Variants in LRBA observed in about 807,000 individuals in gnomAD.
LRBA encodes LPS responsive beige-like anchor protein, also known as lipopolysaccharide-responsive and beige-like anchor protein.
In LRBA, 176 loss-of-function variants were observed where a neutral mutation model predicts 330.0. The ratio of observed to expected loss-of-function variants is 0.53; its 90% CI spans 0.47 to 0.60. LRBA has a LOEUF of 0.60. Ranked by LOEUF, LRBA falls within the 20% of genes least tolerant of loss-of-function variation. The pLI is 0.00. For missense variants in LRBA, 3,259 were observed against 3,444.8 expected (o/e 0.95, Z 1.35); for synonymous variants, 1,230 against 1,193.0 (o/e 1.03, Z -0.64).
At chr4:150,433,894 A>C (rs964724709) in intron 46 of LRBA, among the ~76,000 whole-genome samples, 6 of 152,152 alleles carry the variant, frequency 3.9e-5, no homozygotes, top group Non-Finnish European at 8.8e-5. Context: ...ACCCTGATAG[A>C]TGTCCCAATA....
intron 34 of LRBA, among the ~76,000 whole-genome samples, chr4:150,790,823 G>C (rs2126640551): frequency 6.6e-6 from 1 of 151,938 alleles, no homozygotes; most frequent in Middle Eastern, 3.4e-3. Context: ...TACTTTCTCG[G>C]GCTTTGTATA....
chr4:150,434,193 G>A (rs1016100993), intron 46 of LRBA, among the ~76,000 whole-genome samples: 1 of 151,740 alleles, frequency 6.6e-6, no homozygotes, highest in African/African-American at 2.4e-5. Flanking sequence ...GGAACTATAA[G>A]GAACTTCAAA....
At chr4:150,934,730 C>T (rs962644726) in intron 2 of LRBA, among the ~76,000 whole-genome samples, 2 of 151,736 alleles carry the variant, frequency 1.3e-5, no homozygotes, top group Non-Finnish European at 2.9e-5. Flanking sequence ...AAAATTAGGC[C>T]GGGCACAGTG....
At chr4:150,358,789 T>TA (rs773147582) in intron 47 of LRBA, among the ~76,000 whole-genome samples, 64 of 152,092 alleles carry the variant, frequency 4.2e-4, no homozygotes, top group Non-Finnish European at 6.5e-4. Context: ...GAAAACAAAA[T>TA]AAAAAAAATT....
intron 47 of LRBA, among the ~76,000 whole-genome samples, chr4:150,400,692 C>CA (rs1231499766): frequency 6.6e-6 from 1 of 151,946 alleles, no homozygotes; most frequent in Non-Finnish European, 1.5e-5. Context: ...CCCATCTTCA[C>CA]AAAAAATAAA....
At chr4:150,481,393 T>C (rs1023398566) in intron 42 of LRBA, among the ~76,000 whole-genome samples, 4 of 152,124 alleles carry the variant, frequency 2.6e-5, no homozygotes, top group Admixed American at 2.0e-4. Context: ...GCACTATTTG[T>C]GGTTTCTTGA....
At chr4:151,007,640 G>A (rs570609204) in intron 2 of LRBA, among the ~76,000 whole-genome samples, 13 of 151,442 alleles carry the variant, frequency 8.6e-5, no homozygotes, top group African/African-American at 2.2e-4. Context: ...GGCGGATCAC[G>A]AGGTCAGGAG....
chr4:150,618,586 T>C (rs1411721184), intron 37 of LRBA, among the ~76,000 whole-genome samples: 3 of 152,006 alleles, frequency 2.0e-5, no homozygotes, highest in Non-Finnish European at 4.4e-5. Flanking sequence ...GCCCTAAGTT[T>C]AGAAATAATT....
intron 35 of LRBA, among the ~76,000 whole-genome samples, chr4:150,758,213 G>A (rs940642637): frequency 8.5e-5 from 13 of 152,170 alleles, no homozygotes; most frequent in Non-Finnish European, 1.5e-4. Flanking sequence ...CAGTAGGCCC[G>A]TTGGTCTTTG....
chr4:150,493,241 C>G (rs778652909), intron 40 of LRBA, among the ~76,000 whole-genome samples: 7 of 152,176 alleles, frequency 4.6e-5, no homozygotes, highest in Admixed American at 2.0e-4. Context: ...GCCTCAGCCT[C>G]CCAAAGTGCT....
At chr4:150,848,021 C>T (rs540600334) in intron 26 of LRBA, among the ~76,000 whole-genome samples, 25 of 146,074 alleles carry the variant, frequency 1.7e-4, no homozygotes, top group African/African-American at 6.2e-4. Flanking sequence ...CTCTATAACC[C>T]TTTTTTTTTT....
At chr4:150,555,999 T>C (rs1206728226) in intron 40 of LRBA, among the ~76,000 whole-genome samples, 2 of 151,944 alleles carry the variant, frequency 1.3e-5, no homozygotes, top group Non-Finnish European at 2.9e-5. Context: ...GATGAGATAC[T>C]GTTATGTTGT....
intron 40 of LRBA, among the ~76,000 whole-genome samples, chr4:150,556,615 T>G (rs1464854117): frequency 6.6e-6 from 1 of 152,232 alleles, no homozygotes; most frequent in Admixed American, 6.5e-5. Context: ...GCTTCTGCAT[T>G]AAATGTGAAC....
At position 150,368,557 on chromosome 4, in the gene LRBA, A is replaced by C. The variant is rs1739826315; in HGVS notation, c.7195-18398T>G. ...TAAAATTTACTTTTCATTATGTAAC[A>C]ATCTAAGGAATACTGTATCTTCACT... On this transcript the variant is annotated intron_variant, in intron 47 of 56. Coordinates refer to ENST00000651943, the MANE Select transcript of LRBA (RefSeq NM_001364905.1). Among the ~76,000 whole-genome samples, 7 of 152,312 alleles carry C rather than the reference A, an allele frequency of 4.6e-5. No homozygotes were observed. The South Asian group carries it at 1.5e-3, about 32-fold the overall frequency.
intron 36 of LRBA, among the ~76,000 whole-genome samples, chr4:150,727,223 G>A (rs962985106): frequency 1.3e-5 from 2 of 151,866 alleles, no homozygotes; most frequent in African/African-American, 2.4e-5. Flanking sequence ...ACAGGTGCAT[G>A]CCACCACACT....
intron 40 of LRBA, among the ~76,000 whole-genome samples, chr4:150,568,810 AGCATT>A (rs1769481449): frequency 6.6e-6 from 1 of 152,170 alleles, no homozygotes; most frequent in South Asian, 2.1e-4. Flanking sequence ...ACTGCACATG[AGCATT>A]CGGTTTTAAA....
intron 29 of LRBA, 102 bp from the exon 30 acceptor site, chr4:150,828,723 T>C (rs1746660034): frequency 2.9e-6 from 3 of 1,039,922 alleles, no homozygotes; most frequent in South Asian, 1.6e-5. Flanking sequence ...TTTTGAATTA[T>C]GAAATACATC....
chr4:150,528,862 A>G (rs1003395345), intron 40 of LRBA, among the ~76,000 whole-genome samples: 5 of 152,246 alleles, frequency 3.3e-5, no homozygotes, highest in African/African-American at 9.6e-5. Flanking sequence ...CAGTTGCAAA[A>G]TAATGACCTG....
intron 40 of LRBA, chr4:150,579,321 C>A (rs187585863): frequency 2.2e-6 from 1 of 454,998 alleles, no homozygotes; most frequent in East Asian, 7.0e-5. Context: ...CGCAAAGGCG[C>A]AGCTGAAGCT....
Sources: gnomAD v4.1 joint callset for allele counts (sites outside exome capture counted in the v4.1 genomes callset) on GRCh38, gnomAD v4.1.1 for gene constraint, MANE v1.5 for transcripts, NCBI Gene and HGNC (gene_info 2026-07-23, HGNC 2026-07-21) for gene names.